IGSF8: variants seen among roughly 807,000 people sequenced by gnomAD.
The protein encoded by IGSF8 is immunoglobulin superfamily member 8.
Under a neutral mutation model 55.5 loss-of-function variants are expected in IGSF8, and 46 were observed. The ratio of observed to expected loss-of-function variants is 0.83; its 90% CI spans 0.65 to 1.06. The LOEUF (loss-of-function observed/expected upper bound fraction) is 1.06. IGSF8 is among the 50% of genes least tolerant of loss of function. IGSF8 has a pLI of 0.00. For synonymous variants in IGSF8, 314 were observed against 356.1 expected (o/e 0.88, Z 1.33); for missense variants, 731 against 832.3 (o/e 0.88, Z 1.50).
At chr1:160,092,198 G>C in intron 5 of IGSF8, 84 bp downstream of exon 5, 1 of 1,373,138 alleles carries the variant, frequency 7.3e-7, no homozygotes, top group African/African-American at 1.4e-5. Flanking sequence ...ATAGTAGCAG[G>C]AGGGTCAGAA....
intron 1 of IGSF8, chr1:160,095,465 C>G: frequency 1.7e-6 from 1 of 584,926 alleles, no homozygotes; most frequent in East Asian, 2.8e-5. Flanking sequence ...GCCTTGGCAT[C>G]CAGATGCATC....
intron 3 of IGSF8, 40 bp downstream of exon 3, chr1:160,093,670 C>T (rs1373361966): frequency 3.3e-6 from 5 of 1,516,722 alleles, no homozygotes; most frequent in African/African-American, 1.4e-5. Context: ...GGATACTGTC[C>T]CTCCCAGCTC....
At position 160,091,821 on chromosome 1, in the gene IGSF8, G is replaced by T. The variant is rs772007578; in HGVS notation, c.*2C>A. 6.2e-7 allele frequency: 1 copy of T among 1,606,928 alleles called. No homozygotes were observed. The highest frequency in any genetic ancestry group is 1.7e-5 in the Admixed American group (1 of 60,006). On this transcript the variant is annotated 3_prime_UTR_variant, in exon 6 of 7. Transcript: ENST00000314485. ...CTTTTCCCTCACCTGGGGAGTAAGG[G>T]ATCACCGTTTTCGAAGCCTCTTCAT... is the stretch of plus-strand genomic sequence containing the variant.
intron 1 of IGSF8, among the ~76,000 whole-genome samples, chr1:160,097,083 G>A (rs577442695): frequency 6.6e-6 from 1 of 152,258 alleles, no homozygotes; most frequent in Non-Finnish European, 1.5e-5. Context: ...AATCAGATCT[G>A]TGTTCAAATC....
chr1:160,096,394 GA>G (rs1465831630), intron 1 of IGSF8, among the ~76,000 whole-genome samples: 1 of 152,232 alleles, frequency 6.6e-6, no homozygotes, highest in Non-Finnish European at 1.5e-5. Flanking sequence ...AACCAGAGAG[GA>G]AGATGGGGAA....
At chr1:160,093,495 C>T (rs912572808) in intron 3 of IGSF8, among the ~76,000 whole-genome samples, 164 bp from the exon 4 acceptor site, 2 of 152,214 alleles carry the variant, frequency 1.3e-5, no homozygotes, top group Non-Finnish European at 2.9e-5. Flanking sequence ...TGAATCTCAC[C>T]CCTCAGCATG....
chr1:160,095,146 C>T lies in IGSF8; in HGVS notation c.165G>A (p.Glu55=), dbSNP rs1235510993. The T allele has an allele frequency of 6.2e-7, 1 of 1,613,748 alleles. No individual in the cohort carries two copies. Among genetic ancestry groups the T allele is most frequent in the Non-Finnish European group, 8.5e-7 (1 of 1,180,034 alleles). ...VSISCNVTGY[E]GPAQQNFEWF... is the part of the protein sequence containing the mutation. The stretch of plus-strand genomic sequence containing the variant: ...ACTCGAAGTTCTGCTGGGCAGGGCC[C>T]TCATAGCCGGTCACATTGCAGGAGA... The change falls in exon 2 of 7, where the codon GAG becomes GAA. Residue 55 remains glutamate, a synonymous_variant. Coordinates refer to ENST00000314485, the MANE Select transcript of IGSF8 (RefSeq NM_052868.6).
Position 160,093,252 on chromosome 1 carries a change from C to A in IGSF8, c.984G>T (p.Val328=), listed in dbSNP as rs1453070285. Residue 328 remains valine (V), a synonymous_variant, in exon 4 of 7, where the codon GTG becomes GTT. Transcript: ENST00000314485. ...GGCCTGCTGGGGGAAGTGCCCCTGA[C>A]ACATTGCACAGCAGTTCCAAGGGCT... ...PGEPLELLCN[V]SGALPPAGRH... is the part of the protein sequence containing the mutation. 2 of 1,614,036 alleles carry A rather than the reference C, an allele frequency of 1.2e-6. No individual in the cohort carries two copies. The highest frequency in any genetic ancestry group is 1.7e-5 in the Admixed American group (1 of 60,018).
chr1:160,095,360 G>T, intron 1 of IGSF8, 114 bp from the exon 2 acceptor site: 1 of 1,085,458 alleles, frequency 9.2e-7, no homozygotes, highest in Non-Finnish European at 1.3e-6. Context: ...ACCTGGGAAA[G>T]CTTGTCCACA....
chr1:160,091,919 C>A lies in IGSF8; in HGVS notation c.1746G>T (p.Val582=). 6.2e-7 allele frequency: 1 copy of A among 1,612,776 alleles called. No individual in the cohort carries two copies. The highest frequency in any genetic ancestry group is 8.5e-7 in the Non-Finnish European group (1 of 1,178,982). The stretch of plus-strand genomic sequence containing the variant: ...CCACCCCTGTACCCACCAGCAGAGG[C>A]ACAAATAGGGTGTCCAGGGCTGGGG... ...PYMHALDTLF[V]PLLVGTGVAL... The change falls in exon 6 of 7, where the codon GTG becomes GTT. Residue 582 remains valine, a synonymous_variant. Coordinates refer to ENST00000314485, the MANE Select transcript of IGSF8 (RefSeq NM_052868.6).
rs527813644 is a variant in IGSF8, at chr1:160,098,587, T to G, written c.-115A>C. The stretch of plus-strand genomic sequence containing the variant: ...AGGAAGCGGGGCAGCGAGGCGTGGG[T>G]GCGCCGAGCGAGCTGAACTGGAGCT... On this transcript the variant is annotated 5_prime_UTR_variant, in exon 1 of 7. Transcript: ENST00000314485. The G allele has an allele frequency of 2.9e-6, 2 of 680,012 alleles. No individual in the cohort carries two copies. 42.1% of individuals were successfully genotyped at this position (680,012 alleles called of 1,614,324 possible).
intron 5 of IGSF8, 101 bp from the exon 6 acceptor site, chr1:160,092,039 C>T: frequency 1.1e-6 from 1 of 891,170 alleles, no homozygotes; most frequent in Non-Finnish European, 1.8e-6. Flanking sequence ...CCCACCTTCT[C>T]CATTCACAGA....
At chr1:160,092,208 A>G (rs1469485879) in intron 5 of IGSF8, 74 bp downstream of exon 5, 34 of 1,448,746 alleles carry the variant, frequency 2.3e-5, no homozygotes, top group Non-Finnish European at 2.9e-6. Flanking sequence ...GAGGGTCAGA[A>G]GATGGGAAGG....
chr1:160,096,646 G>T (rs1650456148), intron 1 of IGSF8, among the ~76,000 whole-genome samples: 1 of 152,324 alleles, frequency 6.6e-6, no homozygotes, highest in East Asian at 1.9e-4. Flanking sequence ...ATGGTCTGTT[G>T]TTAAGGGCAC....
In IGSF8 at chr1:160,091,940, TG is replaced by T; in HGVS notation, c.1727-3del. ...GAGGCACAAATAGGGTGTCCAGGGC[TG>T]GGGGAGAGAGGATGACTGTTCAGAG... On this transcript the variant is annotated splice_region_variant and splice_polypyrimidine_tract_variant and intron_variant, in intron 5 of 6. Transcript: ENST00000314485. 1 of 1,595,156 alleles carries T rather than the reference TG, an allele frequency of 6.3e-7. No homozygotes were observed. The highest frequency in any genetic ancestry group is 8.6e-7 in the Non-Finnish European group (1 of 1,162,776).
intron 4 of IGSF8, 49 bp from the exon 5 acceptor site, chr1:160,092,744 G>A: frequency 2.5e-6 from 4 of 1,581,140 alleles, no homozygotes; most frequent in Non-Finnish European, 2.6e-6. Flanking sequence ...CAGGGAGCAT[G>A]GGGTTAGGGC....
At chr1:160,093,595 G>T in intron 3 of IGSF8, 115 bp downstream of exon 3, 1 of 905,126 alleles carries the variant, frequency 1.1e-6, no homozygotes, top group Non-Finnish European at 1.7e-6. Flanking sequence ...TCACTCTGTG[G>T]AAGATGAGTT....
In IGSF8 at chr1:160,093,935, C is replaced by A; in HGVS notation, c.679G>T (p.Ala227Ser). Residue 227 changes from alanine (A) to serine (S), a missense_variant, in exon 3 of 7, where the codon GCC becomes TCC. Ala to Ser is a moderately conservative substitution (Grantham distance 99, BLOSUM62 1). Coordinates refer to ENST00000314485, the MANE Select transcript of IGSF8 (RefSeq NM_052868.6). The part of the protein sequence containing the change: ...QEVVGIRSDL[A>S]VEAGAPYAER... ...GCATAGGGAGCTCCAGCCTCCACGGCCAAGTCTGACCGGATTCCCACCACT... is the reference window on the plus strand; with the variant it reads ...GCATAGGGAGCTCCAGCCTCCACGGACAAGTCTGACCGGATTCCCACCACT... 6.2e-7 allele frequency: 1 copy of A among 1,614,140 alleles called. No homozygotes were observed. The highest frequency in any genetic ancestry group is 2.2e-5 in the East Asian group (1 of 44,900).
intron 5 of IGSF8, 120 bp downstream of exon 5, chr1:160,092,162 C>A: frequency 8.5e-7 from 1 of 1,177,636 alleles, no homozygotes; most frequent in Non-Finnish European, 1.2e-6. Flanking sequence ...TTTGAGACTT[C>A]ATGTGACATA....
Sources: gnomAD v4.1 joint callset for allele counts (sites outside exome capture counted in the v4.1 genomes callset) on GRCh38, gnomAD v4.1.1 for gene constraint, MANE v1.5 for transcripts, NCBI Gene and HGNC (gene_info 2026-07-23, HGNC 2026-07-21) for gene names.